The following SBNO1 variants were observed in gnomAD, a reference collection of about 807,000 sequenced individuals.
SBNO1 encodes the protein protein strawberry notch homolog 1.
A neutral mutation model predicts 173.6 loss-of-function variants in SBNO1; 23 were observed. The observed-to-expected ratio is 0.13, with a 90% CI of 0.10 to 0.19. The LOEUF is 0.19. Ranked by LOEUF, SBNO1 falls within the 10% of genes least tolerant of loss-of-function variation. SBNO1 has a pLI of 1.00. For synonymous variants in SBNO1, 632 were observed against 571.5 expected (o/e 1.11, Z -1.51); for missense variants, 1,238 against 1,671.2 (o/e 0.74, Z 4.52).
intron 31 of SBNO1, 101 bp from the exon 32 acceptor site, chr12:123,296,151 G>T: frequency 4.3e-6 from 3 of 698,120 alleles, no homozygotes; most frequent in Non-Finnish European, 7.4e-6. Context: ...AAGCGTAATG[G>T]ACAAGAAGTT....
chr12:123,359,554 C>A (rs374718106), intron 1 of SBNO1, among the ~76,000 whole-genome samples: 497 of 136,670 alleles, frequency 3.6e-3, no homozygotes, highest in Non-Finnish European at 4.0e-3. Context: ...GACTCCGTCT[C>A]AAAAAAAAAA....
At chr12:123,296,101 T>C in intron 31 of SBNO1, 51 bp from the exon 32 acceptor site, 2 of 1,210,922 alleles carry the variant, frequency 1.7e-6, no homozygotes, top group Middle Eastern at 1.9e-4. Context: ...GAAACCACAC[T>C]GTACAGCTTC....
rs1555243179 is a variant in SBNO1, at chr12:123,295,674, A to C, written c.*234T>G. The C allele has an allele frequency of 3.0e-5, 15 of 502,536 alleles. No homozygotes were observed. In the East Asian group the frequency reaches 4.8e-4, roughly 16 times the overall value. 31.1% of individuals were successfully genotyped at this position (502,536 alleles called of 1,614,324 possible). A position where few individuals can be genotyped will look rare whatever the true frequency, so the allele number is the denominator to read the frequency against. ...TCCCCCTCTGCTCACCCGAAGTAAA[A>C]GCAGATGGGAATTATCAGGGGAGAA... On this transcript the variant is annotated 3_prime_UTR_variant, in exon 32 of 32. Coordinates refer to ENST00000602398, the MANE Select transcript of SBNO1 (RefSeq NM_001167856.3).
intron 4 of SBNO1, among the ~76,000 whole-genome samples, chr12:123,342,389 T>G (rs1364879413): frequency 6.6e-6 from 1 of 151,992 alleles, no homozygotes; most frequent in Non-Finnish European, 1.5e-5. Flanking sequence ...AGGCAGAGCC[T>G]GCAATGAGCC....
Position 123,320,705 on chromosome 12 carries a change from T to C in SBNO1, c.2485A>G (p.Thr829Ala), listed in dbSNP as rs1869858126. ...TPVISPAPNS[T>A]PANSNTNSNS... ...GAAGTTTCTGTATGGATACCTGGTG[T>C]ACTGTTAGGAGCAGGTGAGATAACT... is the stretch of plus-strand genomic sequence containing the variant. Residue 829 changes from threonine (T) to alanine (A), a missense_variant, in exon 18 of 32, where the codon ACA becomes GCA. Thr to Ala is a moderately conservative substitution (Grantham distance 58). This residue lies in a region of SBNO1 where 74 missense variants were observed against 68.5 expected (regional missense o/e 1.08). Transcript: ENST00000602398. 1 of 1,603,752 alleles carries C rather than the reference T, an allele frequency of 6.2e-7. No individual in the cohort carries two copies. Among genetic ancestry groups the C allele is most frequent in the Non-Finnish European group, 8.5e-7 (1 of 1,176,974 alleles).
At chr12:123,321,435 G>T in intron 17 of SBNO1, 100 bp downstream of exon 17, 1 of 844,808 alleles carries the variant, frequency 1.2e-6, no homozygotes, top group Non-Finnish European at 1.9e-6. Context: ...TATAATCTGT[G>T]TGATCATTTG....
At chr12:123,319,832 C>A in intron 20 of SBNO1, 68 bp downstream of exon 20, 1 of 1,424,068 alleles carries the variant, frequency 7.0e-7, no homozygotes, top group Non-Finnish European at 9.8e-7. Context: ...GAAAAAGACT[C>A]TTCTAAAGCT....
At chr12:123,298,236 G>T in intron 30 of SBNO1, 65 bp from the exon 31 acceptor site, 1 of 1,420,442 alleles carries the variant, frequency 7.0e-7, no homozygotes, top group Non-Finnish European at 9.6e-7. Flanking sequence ...GTTTCTAAAA[G>T]ATTTACAAGG....
At chr12:123,314,094 C>A (rs1019327653) in intron 23 of SBNO1, among the ~76,000 whole-genome samples, 3 of 152,020 alleles carry the variant, frequency 2.0e-5, no homozygotes, top group Non-Finnish European at 4.4e-5. Context: ...CTCAACAAAA[C>A]CCCAAAAAAC....
chr12:123,329,063 AAC>A (rs1185358468), intron 9 of SBNO1, among the ~76,000 whole-genome samples, 168 bp from the exon 10 acceptor site: 4 of 152,154 alleles, frequency 2.6e-5, no homozygotes, highest in Non-Finnish European at 2.9e-5. Context: ...ACACAACACA[AAC>A]ACACAACTTT....
chr12:123,295,756 C>G lies in SBNO1; in HGVS notation c.*152G>C, dbSNP rs1335734477. 2 of 883,798 alleles carry G rather than the reference C, an allele frequency of 2.3e-6. No homozygotes were observed. The highest frequency in any genetic ancestry group is 1.7e-5 in the African/African-American group (1 of 60,010). 54.7% of individuals were successfully genotyped at this position (883,798 alleles called of 1,614,324 possible). On this transcript the variant is annotated 3_prime_UTR_variant, in exon 32 of 32. Coordinates refer to ENST00000602398, the MANE Select transcript of SBNO1 (RefSeq NM_001167856.3). ...CACTGCTGATTTTCAGTTTTGCTAT[C>G]TATTCCAGGTTTGTCCTTACTCCCA...
At chr12:123,317,973 A>T (rs1869487389) in intron 20 of SBNO1, among the ~76,000 whole-genome samples, 1 of 152,126 alleles carries the variant, frequency 6.6e-6, no homozygotes, top group African/African-American at 2.4e-5. Context: ...GTATATATAT[A>T]TTTTTTGAGA....
chr12:123,339,230 C>T (rs1872247654), intron 5 of SBNO1, among the ~76,000 whole-genome samples: 1 of 152,094 alleles, frequency 6.6e-6, no homozygotes, highest in African/African-American at 2.4e-5. Flanking sequence ...AACCAAGTCC[C>T]AAAATTCTTT....
intron 3 of SBNO1, among the ~76,000 whole-genome samples, chr12:123,347,249 C>T (rs1019218890): frequency 6.6e-5 from 10 of 151,806 alleles, no homozygotes; most frequent in African/African-American, 2.4e-4. Context: ...GTTGTTGAGA[C>T]AGAGTCTCGC....
At chr12:123,342,968 C>T (rs1057379091) in intron 4 of SBNO1, among the ~76,000 whole-genome samples, 1 of 152,062 alleles carries the variant, frequency 6.6e-6, no homozygotes, top group African/African-American at 2.4e-5. Context: ...TATTAACAGG[C>T]CAGGTGCTCA....
Position 123,304,612 on chromosome 12 carries a change from A to T in SBNO1, c.3738T>A (p.Ile1246=). 6.4e-7 allele frequency: 1 copy of T among 1,563,422 alleles called. No homozygotes were observed. The highest frequency in any genetic ancestry group is 2.2e-5 in the East Asian group (1 of 44,592). The change falls in exon 29 of 32, where the codon ATT becomes ATA. Residue 1246 remains isoleucine (I), a synonymous_variant. Coordinates refer to ENST00000602398, the MANE Select transcript of SBNO1 (RefSeq NM_001167856.3). ...PNTGKQLKLE[I]YADLKKKYKK... Reference sequence around the variant, plus strand: ...TATATTTCTTTTTTAGATCAGCATAAATTTCTAATTTGAGCTGCTTCCCAG... The same window carrying T: ...TATATTTCTTTTTTAGATCAGCATATATTTCTAATTTGAGCTGCTTCCCAG...
chr12:123,345,394 T>C lies in SBNO1; in HGVS notation c.414A>G (p.Thr138=), dbSNP rs1873008851. Residue 138 remains threonine, a synonymous_variant, in exon 4 of 32, where the codon ACA becomes ACG. Transcript: ENST00000602398. The part of the protein sequence containing the change: ...ASTRPSVSAP[T]VRNAMTSAPS... Reference sequence around the variant, plus strand: ...GTGCAGAGGTCATGGCATTTCGTACTGTTGGTGCTGAGACTGACGGGCGTG... The same window carrying C: ...GTGCAGAGGTCATGGCATTTCGTACCGTTGGTGCTGAGACTGACGGGCGTG... 1.2e-6 allele frequency: 2 copies of C among 1,614,100 alleles called. No individual in the cohort carries two copies. Among genetic ancestry groups the C allele is most frequent in the African/African-American group, 2.7e-5 (2 of 74,932 alleles).
At chr12:123,317,130 G>A in intron 21 of SBNO1, 91 bp downstream of exon 21, 5 of 1,367,532 alleles carry the variant, frequency 3.7e-6, no homozygotes, top group Non-Finnish European at 5.2e-6. Flanking sequence ...GAGCCTCTGT[G>A]CCCGGCCTAA....
At chr12:123,354,120 C>G (rs561371756) in intron 1 of SBNO1, among the ~76,000 whole-genome samples, 1 of 152,200 alleles carries the variant, frequency 6.6e-6, no homozygotes, top group Non-Finnish European at 1.5e-5. Context: ...TACTGAGAAA[C>G]TTTTTGATGT....
Sources: gnomAD v4.1 joint callset for allele counts (sites outside exome capture counted in the v4.1 genomes callset) on GRCh38, gnomAD v4.1.1 for gene constraint, gnomAD v4.1.1 regional missense constraint, MANE v1.5 for transcripts, NCBI Gene and HGNC (gene_info 2026-07-23, HGNC 2026-07-21) for gene names.